The following FBXO11 variants were observed in gnomAD, a reference collection of about 807,000 sequenced individuals.
FBXO11 encodes the protein F-box only protein 11.
A neutral mutation model predicts 117.0 loss-of-function variants in FBXO11; 13 were observed. The observed-to-expected ratio is 0.11, with a 90% CI of 0.07 to 0.18. FBXO11 has a LOEUF of 0.18. FBXO11 is among the 10% of genes least tolerant of loss of function. FBXO11 has a pLI of 1.00. For synonymous variants in FBXO11, 490 were observed against 380.5 expected (o/e 1.29, Z -3.35); for missense variants, 767 against 1,164.4 (o/e 0.66, Z 4.97).
intron 1 of FBXO11, 98 bp downstream of exon 1, chr2:47,905,391 G>A (rs1247801968): frequency 2.8e-6 from 3 of 1,075,906 alleles, no homozygotes; most frequent in East Asian, 9.9e-5. Flanking sequence ...CCCCCAGGGC[G>A]CGCAGGCCGC....
intron 1 of FBXO11, among the ~76,000 whole-genome samples, chr2:47,888,036 A>G (rs1676996100): frequency 6.6e-6 from 1 of 151,938 alleles, no homozygotes; most frequent in South Asian, 2.1e-4. Flanking sequence ...ATCCCTAAAA[A>G]ATGAAAGATA....
intron 1 of FBXO11, among the ~76,000 whole-genome samples, chr2:47,895,068 A>G (rs1022818649): frequency 6.6e-6 from 1 of 152,218 alleles, no homozygotes; most frequent in African/African-American, 2.4e-5. Flanking sequence ...CATTTCTTGC[A>G]AAGTAAATGG....
intron 16 of FBXO11, among the ~76,000 whole-genome samples, chr2:47,815,328 G>C (rs558686995): frequency 2.0e-5 from 3 of 152,334 alleles, no homozygotes; most frequent in African/African-American, 7.2e-5. Flanking sequence ...TCGGGAATGA[G>C]GATCTTCCAG....
chr2:47,876,443 G>C (rs556547554), intron 1 of FBXO11, among the ~76,000 whole-genome samples: 1 of 152,256 alleles, frequency 6.6e-6, no homozygotes, highest in Admixed American at 6.5e-5. Context: ...TCAAGCTTCT[G>C]TAAGTGAGGA....
intron 1 of FBXO11, chr2:47,888,578 C>G: frequency 1.6e-6 from 1 of 610,728 alleles, no homozygotes; most frequent in African/African-American, 2.0e-5. Context: ...GCTGAGCAAC[C>G]TTTTTCTTTT....
chr2:47,866,675 T>C (rs1189547583), intron 1 of FBXO11, among the ~76,000 whole-genome samples: 14 of 152,088 alleles, frequency 9.2e-5, no homozygotes, highest in Non-Finnish European at 7.4e-5. Context: ...GGTTTCACCA[T>C]GTTGGCCAGG....
Position 47,832,465 on chromosome 2 carries a change from T to C in FBXO11, c.1282A>G (p.Ile428Val). 1 of 1,613,668 alleles carries C rather than the reference T, an allele frequency of 6.2e-7. No homozygotes were observed. The change falls in exon 11 of 23, where the codon ATT becomes GTT. Residue 428 changes from isoleucine (I) to valine (V), a missense_variant. Around this residue, in one of 10 missense-constraint regions of FBXO11, gnomAD observed 33 missense variants for 66.1 expected, o/e 0.50. Transcript: ENST00000403359. Reference protein sequence around the residue: ...HAQGIYEDNEISNNALAGIWV... With the variant: ...HAQGIYEDNEVSNNALAGIWV... The stretch of plus-strand genomic sequence containing the variant: ...ATCCCAGCTAACGCATTATTGGAAA[T>C]TTCATTATCCTCATATATTCCCTAC...
intron 4 of FBXO11, among the ~76,000 whole-genome samples, chr2:47,836,262 AT>A (rs781235807): frequency 8.5e-5 from 13 of 152,176 alleles, no homozygotes; most frequent in African/African-American, 1.2e-4. Flanking sequence ...AGTAGCTGAG[AT>A]TATGGGCATG....
intron 13 of FBXO11, among the ~76,000 whole-genome samples, chr2:47,821,089 A>C (rs1029295196): frequency 2.6e-5 from 4 of 152,240 alleles, no homozygotes; most frequent in Admixed American, 6.5e-5. Context: ...TGGAAACTGC[A>C]GATATTCCTT....
intron 1 of FBXO11, among the ~76,000 whole-genome samples, chr2:47,878,962 T>C (rs1463018796): frequency 7.0e-6 from 1 of 143,020 alleles, no homozygotes; most frequent in African/African-American, 2.6e-5. Context: ...CGAAACTCTG[T>C]CTCAAAACAA....
intron 1 of FBXO11, among the ~76,000 whole-genome samples, chr2:47,841,030 C>T (rs1229131899): frequency 2.0e-5 from 3 of 151,828 alleles, no homozygotes; most frequent in Non-Finnish European, 4.4e-5. Flanking sequence ...AACCCCATCT[C>T]TACTAAAACT....
intron 11 of FBXO11, among the ~76,000 whole-genome samples, chr2:47,830,180 A>G (rs1011114557): frequency 6.6e-6 from 1 of 152,234 alleles, no homozygotes; most frequent in Admixed American, 6.5e-5. Context: ...ATACTGAGGT[A>G]GAAGAGCAAT....
intron 11 of FBXO11, among the ~76,000 whole-genome samples, chr2:47,831,228 C>A (rs965252681): frequency 2.0e-5 from 3 of 151,650 alleles, no homozygotes; most frequent in African/African-American, 2.4e-5. Context: ...CCCAGCCTGA[C>A]CAACATGGTG....
chr2:47,862,425 A>G (rs1329747339), intron 1 of FBXO11, among the ~76,000 whole-genome samples: 1 of 152,188 alleles, frequency 6.6e-6, no homozygotes, highest in African/African-American at 2.4e-5. Context: ...GAAAATAAGA[A>G]TCAAAATCTA....
intron 1 of FBXO11, among the ~76,000 whole-genome samples, chr2:47,861,943 G>C (rs530782864): frequency 4.0e-5 from 6 of 149,824 alleles, no homozygotes; most frequent in Non-Finnish European, 5.9e-5. Flanking sequence ...ATCTTGCTCT[G>C]TTTCTGTTGC....
At chr2:47,814,601 A>T (rs1670881063) in intron 16 of FBXO11, among the ~76,000 whole-genome samples, 2 of 151,834 alleles carry the variant, frequency 1.3e-5, no homozygotes, top group African/African-American at 4.8e-5. Context: ...CTGTTCTCAA[A>T]CTCCTGGGCT....
chr2:47,890,284 T>C (rs913904764), intron 1 of FBXO11, among the ~76,000 whole-genome samples: 8 of 152,156 alleles, frequency 5.3e-5, no homozygotes, highest in African/African-American at 1.9e-4. Flanking sequence ...AATTCTGAAC[T>C]GACTTCCTGA....
intron 1 of FBXO11, among the ~76,000 whole-genome samples, chr2:47,893,643 G>A (rs942839795): frequency 1.3e-5 from 2 of 152,156 alleles, no homozygotes; most frequent in Admixed American, 1.3e-4. Context: ...CAAGAACTAC[G>A]TTTGCATGGT....
In FBXO11 at chr2:47,861,591, G is replaced by A. The variant is rs183592666; in HGVS notation, c.233-21822C>T. Among the ~76,000 whole-genome samples the A allele has an allele frequency of 1.5e-4, 23 of 152,176 alleles. No individual in the cohort carries two copies. The East Asian group carries it at 3.9e-3, about 26-fold the overall frequency. ...CCCATCTCAGCCTCCTGAAGTGCTG[G>A]GATTACAGAAGTGAACCACAGCACC... On this transcript the variant is annotated intron_variant, in intron 1 of 22. Coordinates refer to ENST00000403359, the MANE Select transcript of FBXO11 (RefSeq NM_001190274.2).
Sources: gnomAD v4.1 joint callset for allele counts (sites outside exome capture counted in the v4.1 genomes callset) on GRCh38, gnomAD v4.1.1 for gene constraint, gnomAD v4.1.1 regional missense constraint, MANE v1.5 for transcripts, NCBI Gene and HGNC (gene_info 2026-07-23, HGNC 2026-07-21) for gene names.